The following CEP97 variants were observed in gnomAD, a reference collection of about 807,000 sequenced individuals.
CEP97 encodes the protein centrosomal protein of 97 kDa.
Under a neutral mutation model 73.1 loss-of-function variants are expected in CEP97, and 43 were observed. That is an observed-to-expected ratio of 0.59 (90% confidence interval 0.46 to 0.76). The LOEUF is 0.76. Ranked by LOEUF, CEP97 falls within the 30% of genes least tolerant of loss-of-function variation. The pLI, the probability that CEP97 is intolerant of heterozygous loss-of-function variation, is 0.00. For synonymous variants in CEP97, 337 were observed against 370.0 expected (o/e 0.91, Z 1.02); for missense variants, 939 against 1,014.0 (o/e 0.93, Z 1.00).
intron 9 of CEP97, 29 bp from the exon 10 acceptor site, chr3:101,762,455 AT>A (rs1256523340): frequency 6.9e-7 from 1 of 1,458,386 alleles, no homozygotes; most frequent in Non-Finnish European, 9.5e-7. Context: ...ACCCTTCCTT[AT>A]GTCAATAATG....
intron 6 of CEP97, among the ~76,000 whole-genome samples, chr3:101,743,889 A>C (rs570923311): frequency 6.6e-6 from 1 of 152,046 alleles, no homozygotes; most frequent in Non-Finnish European, 1.5e-5. Context: ...CTATAATCCC[A>C]GCTACTTGGG....
intron 6 of CEP97, among the ~76,000 whole-genome samples, chr3:101,752,382 C>G (rs1938858618): frequency 6.6e-6 from 1 of 152,036 alleles, no homozygotes; most frequent in African/African-American, 2.4e-5. Context: ...CTTGGAGTTG[C>G]TCTTCTCAAG....
intron 6 of CEP97, among the ~76,000 whole-genome samples, chr3:101,749,240 C>T (rs1165647020): frequency 1.3e-4 from 19 of 149,926 alleles, no homozygotes; most frequent in African/African-American, 3.7e-4. Context: ...TGAGAACATG[C>T]GGTGTTTGGA....
At chr3:101,747,374 C>T (rs1448823636) in intron 6 of CEP97, among the ~76,000 whole-genome samples, 1 of 151,108 alleles carries the variant, frequency 6.6e-6, no homozygotes, top group Admixed American at 6.6e-5. Context: ...ATTCTCCTGC[C>T]TCAGCCTCCC....
intron 4 of CEP97, among the ~76,000 whole-genome samples, chr3:101,729,212 G>A (rs1361779012): frequency 1.3e-5 from 2 of 151,996 alleles, no homozygotes; most frequent in Non-Finnish European, 2.9e-5. Context: ...GGGCATAGTG[G>A]TGCGAGCCTG....
chr3:101,726,864 T>C, intron 2 of CEP97, 128 bp downstream of exon 2: 1 of 595,962 alleles, frequency 1.7e-6, no homozygotes, highest in East Asian at 3.0e-5. Flanking sequence ...AATTTTTACA[T>C]GACAGTTTCT....
intron 4 of CEP97, among the ~76,000 whole-genome samples, 161 bp downstream of exon 4, chr3:101,729,098 C>T (rs552992045): frequency 6.6e-6 from 1 of 152,238 alleles, no homozygotes; most frequent in South Asian, 2.1e-4. Flanking sequence ...AATCCCAGCA[C>T]TTTGAGAGGC....
In CEP97 at chr3:101,757,730, C is replaced by T. The variant is rs773873294; in HGVS notation, c.1124C>T (p.Thr375Met). The T allele has an allele frequency of 2.0e-5, 33 of 1,614,042 alleles. No individual in the cohort carries two copies. The highest frequency in any genetic ancestry group is 5.5e-5 in the South Asian group (5 of 91,094). The change falls in exon 9 of 11, where the codon ACG becomes ATG. Residue 375 changes from threonine (T) to methionine (M), a missense_variant. Coordinates refer to ENST00000341893, the MANE Select transcript of CEP97 (RefSeq NM_024548.4). ...AATTTTCCAGCCTCTGTACACACTA[C>T]GAGATATTCTCGAAATGATCTGCAC... Reference protein sequence around the residue: ...KNNFPASVHTTRYSRNDLHLE... With the variant: ...KNNFPASVHTMRYSRNDLHLE...
chr3:101,727,836 A>G (rs1463745286), intron 3 of CEP97, among the ~76,000 whole-genome samples: 1 of 152,220 alleles, frequency 6.6e-6, no homozygotes, highest in Non-Finnish European at 1.5e-5. Flanking sequence ...TTAATGCTAT[A>G]AGGGAGAATA....
chr3:101,738,082 A>G (rs1425877463), intron 6 of CEP97, among the ~76,000 whole-genome samples: 1 of 151,966 alleles, frequency 6.6e-6, no homozygotes, highest in Non-Finnish European at 1.5e-5. Context: ...TTAAACCAAC[A>G]TATATCAAAA....
intron 6 of CEP97, among the ~76,000 whole-genome samples, chr3:101,740,717 G>A (rs1938424483): frequency 6.6e-6 from 1 of 151,962 alleles, no homozygotes; most frequent in African/African-American, 2.4e-5. Context: ...AGCCTCCCTA[G>A]TAGCTGGGAT....
rs562791306 is a variant in CEP97 at position 101,770,509 on chromosome 3, A to G, written c.*4958A>G. 2.6e-5 allele frequency: 4 copies of G among 152,318 alleles called. No individual in the cohort carries two copies. Among genetic ancestry groups the G allele is most frequent in the South Asian group, 2.1e-4 (1 of 4,832 alleles). 9.4% of individuals were successfully genotyped at this position (152,318 alleles called of 1,614,324 possible). On this transcript the variant is annotated 3_prime_UTR_variant, in exon 11 of 11. Coordinates refer to ENST00000341893, the MANE Select transcript of CEP97 (RefSeq NM_024548.4). ...AGGCTTACTATTTTATATTGTACTT[A>G]TTTAATTTGTATTTGAGTCTGTCTA...
In CEP97 at chr3:101,757,756, C is replaced by T. The variant is rs1261705606; in HGVS notation, c.1150C>T (p.Leu384=). The change falls in exon 9 of 11, where the codon CTG becomes TTG. Residue 384 remains leucine, a synonymous_variant. Transcript: ENST00000341893. ...GAGATATTCTCGAAATGATCTGCACCTGGAAGACATACAGACGGATGAGGA... is the reference window on the plus strand; with the variant it reads ...GAGATATTCTCGAAATGATCTGCACTTGGAAGACATACAGACGGATGAGGA... ...TTRYSRNDLH[L]EDIQTDEDKL... is the part of the protein sequence containing the mutation. 5 of 1,614,208 alleles carry T rather than the reference C, an allele frequency of 3.1e-6. No individual in the cohort carries two copies. Among genetic ancestry groups the T allele is most frequent in the Non-Finnish European group, 4.2e-6 (5 of 1,180,046 alleles).
chr3:101,743,721 T>C (rs1938526841), intron 6 of CEP97, among the ~76,000 whole-genome samples: 1 of 151,804 alleles, frequency 6.6e-6, no homozygotes, highest in Non-Finnish European at 1.5e-5. Flanking sequence ...AAAAGACTGA[T>C]GGCCAGGTGC....
chr3:101,758,231 C>T lies in CEP97; in HGVS notation c.1625C>T (p.Thr542Ile), dbSNP rs746418238. ...ATSEKLPMIL[T>I]QRSVALGQDK... ...TCAGAGAAACTTCCCATGATTTTAACCCAGAGATCTGTTGCTTTGGGACAA... is the reference window on the plus strand; with the variant it reads ...TCAGAGAAACTTCCCATGATTTTAATCCAGAGATCTGTTGCTTTGGGACAA... The change falls in exon 9 of 11, where the codon ACC (threonine) becomes ATC (isoleucine). Residue 542 changes from threonine (T) to isoleucine (I), a missense_variant. Thr to Ile is a moderately conservative substitution (Grantham distance 89, BLOSUM62 -1). Coordinates refer to ENST00000341893, the MANE Select transcript of CEP97 (RefSeq NM_024548.4). 6.8e-6 allele frequency: 11 copies of T among 1,614,068 alleles called. No individual in the cohort carries two copies. The highest frequency in any genetic ancestry group is 1.3e-5 in the African/African-American group (1 of 74,928).
At chr3:101,730,064 G>A (rs1022241946) in intron 4 of CEP97, among the ~76,000 whole-genome samples, 6 of 151,816 alleles carry the variant, frequency 4.0e-5, no homozygotes, top group South Asian at 2.1e-4. Flanking sequence ...CCTTGGCCTC[G>A]CAAAGTGTTG....
Position 101,726,650 on chromosome 3 carries a change from T to C in CEP97, c.100T>C (p.Cys34Arg), listed in dbSNP as rs1466233308. 1 of 1,610,192 alleles carries C rather than the reference T, an allele frequency of 6.2e-7. No individual in the cohort carries two copies. Among genetic ancestry groups the C allele is most frequent in the Admixed American group, 1.7e-5 (1 of 59,786 alleles). The change falls in exon 2 of 11, where the codon TGT (cysteine) becomes CGT (arginine). Residue 34 changes from cysteine to arginine, a missense_variant. Cys to Arg is a radical substitution (Grantham distance 180). Coordinates refer to ENST00000341893, the MANE Select transcript of CEP97 (RefSeq NM_024548.4). ...ACAGAAATTAGGTCCAAATTTACCC[T>C]GTGAAGCTGATATTCACACTTTGAT... ...GLQKLGPNLP[C>R]EADIHTLILD...
intron 9 of CEP97, 37 bp downstream of exon 9, chr3:101,758,460 G>A (rs1939083281): frequency 6.2e-7 from 1 of 1,606,348 alleles, no homozygotes; most frequent in Non-Finnish European, 8.5e-7. Flanking sequence ...TGTTTTGTTG[G>A]TTTGAGGGTG....
At chr3:101,738,587 A>G (rs1322592629) in intron 6 of CEP97, among the ~76,000 whole-genome samples, 5 of 152,190 alleles carry the variant, frequency 3.3e-5, no homozygotes, top group African/African-American at 1.2e-4. Flanking sequence ...CTGAATAACT[A>G]CTGGGTACAT....
Sources: gnomAD v4.1 joint callset for allele counts (sites outside exome capture counted in the v4.1 genomes callset) on GRCh38, gnomAD v4.1.1 for gene constraint, MANE v1.5 for transcripts, NCBI Gene and HGNC (gene_info 2026-07-23, HGNC 2026-07-21) for gene names.